The following VTCN1 variants were observed in gnomAD, a reference collection of about 807,000 sequenced individuals.
The protein encoded by VTCN1 is V-set domain-containing T-cell activation inhibitor 1.
VTCN1 carries 26 observed loss-of-function variants against 26.5 expected under a neutral mutation model. That is an observed-to-expected ratio of 0.98 (90% CI 0.72 to 1.36). The LOEUF is 1.36. Among genes scored for constraint, VTCN1 ranks in the 40% most tolerant of loss-of-function variants. The probability of loss-of-function intolerance (pLI) is 0.00; values close to 1 mark genes in which losing one functional copy is unlikely to be tolerated. For synonymous variants in VTCN1, 116 were observed against 130.7 expected (o/e 0.89, Z 0.77); for missense variants, 298 against 337.7 (o/e 0.88, Z 0.92).
chr1:117,203,833 C>G (rs1179307127), intron 1 of VTCN1: 1 of 961,020 alleles, frequency 1.0e-6, no homozygotes, highest in Non-Finnish European at 1.2e-6. Context: ...CCACAGATTA[C>G]CAGGCCCTGC....
chr1:117,176,991 C>T (rs1361527380), intron 1 of VTCN1, among the ~76,000 whole-genome samples: 2 of 151,900 alleles, frequency 1.3e-5, no homozygotes, highest in East Asian at 1.9e-4. Flanking sequence ...CCCAGCTACT[C>T]GGGAGGCTGA....
chr1:117,177,808 A>T (rs1647437889), intron 1 of VTCN1, among the ~76,000 whole-genome samples: 1 of 152,024 alleles, frequency 6.6e-6, no homozygotes, highest in African/African-American at 2.4e-5. Context: ...TTGTATGCCA[A>T]CAATCATTTG....
At chr1:117,150,755 T>C (rs1651746066) in intron 4 of VTCN1, among the ~76,000 whole-genome samples, 1 of 152,198 alleles carries the variant, frequency 6.6e-6, no homozygotes, top group South Asian at 2.1e-4. Flanking sequence ...TCTATACTCA[T>C]TAAACAAAAA....
rs1553211056 is a variant in VTCN1 at position 117,178,588 on chromosome 1, G to GTC, written c.33-8418_33-8417insGA. Among the ~76,000 whole-genome samples the GTC allele has an allele frequency of 1.8e-3, 157 of 88,264 alleles. 1 individual carries two copies. Among genetic ancestry groups the GTC allele is most frequent in the African/African-American group, 7.4e-3 (152 of 20,508 alleles). 57.9% of individuals were successfully genotyped at this position (88,264 alleles called of 152,430 possible). ...TTCAGTGTTTTCTTTTCTTTCTTTCGTTTTTTTTTTTTTTTTTTTTTTAGA... is the reference window on the plus strand; with the variant it reads ...TTCAGTGTTTTCTTTTCTTTCTTTCGTCTTTTTTTTTTTTTTTTTTTTTTAGA... On this transcript the variant is annotated intron_variant, in intron 1 of 5. Coordinates refer to ENST00000369458, the MANE Select transcript of VTCN1 (RefSeq NM_024626.4).
rs985406462 is a variant in VTCN1 at position 117,167,599 on chromosome 1, T to G, written c.97+2508A>C. On this transcript the variant is annotated intron_variant, in intron 2 of 5. Coordinates refer to ENST00000369458, the MANE Select transcript of VTCN1 (RefSeq NM_024626.4). This position sits in a 1 kb window ranked among gnomAD's most constrained non-coding sequence, Gnocchi z 4.1. ...ATTGGTGAGGGTGTGGAGAGCTTGA[T>G]CTCTCATGCATTGCTGGTGAAGAGT... Among the ~76,000 whole-genome samples, 2 of 152,232 alleles carry G rather than the reference T, an allele frequency of 1.3e-5. No homozygotes were observed. Among genetic ancestry groups the G allele is most frequent in the African/African-American group, 4.8e-5 (2 of 41,462 alleles).
chr1:117,178,257 TTC>T (rs778714148), intron 1 of VTCN1, among the ~76,000 whole-genome samples: 3 of 148,194 alleles, frequency 2.0e-5, no homozygotes, highest in Non-Finnish European at 1.5e-5. Context: ...TTTCTTTTTT[TTC>T]TTTTTTTTTT....
intron 1 of VTCN1, among the ~76,000 whole-genome samples, chr1:117,202,524 G>A (rs1294585069): frequency 6.6e-6 from 1 of 152,194 alleles, no homozygotes; most frequent in Non-Finnish European, 1.5e-5. Flanking sequence ...GTGATTAGAG[G>A]CACTGACCGG....
chr1:117,188,199 G>A (rs527279815), intron 1 of VTCN1, among the ~76,000 whole-genome samples: 1 of 152,322 alleles, frequency 6.6e-6, no homozygotes, highest in South Asian at 2.1e-4. Flanking sequence ...AATTCAATAT[G>A]ATCTAGAACA....
intron 1 of VTCN1, among the ~76,000 whole-genome samples, chr1:117,174,101 C>A (rs548728782): frequency 3.7e-4 from 57 of 152,208 alleles, no homozygotes; most frequent in Non-Finnish European, 6.6e-4. Flanking sequence ...AAAAATATTT[C>A]ACTTCAGGGG....
Position 117,153,301 on chromosome 1 carries a change from G to A in VTCN1, c.514C>T (p.Arg172Ter), listed in dbSNP as rs748959440. The A allele has an allele frequency of 3.2e-5, 51 of 1,613,910 alleles. No homozygotes were observed. The Admixed American group carries it at 6.0e-4, about 19-fold the overall frequency. Residue 172 changes from arginine to a stop codon, truncating the protein, a stop_gained, in exon 4 of 6, where the codon CGA becomes TGA. Transcript: ENST00000369458. LOFTEE classifies it high-confidence loss of function. ...ACCACTGTGGGCTGGGGGAACCATC[G>A]GGGAGCCTCACACCGCAAGGTCTCT... ...SSETLRCEAP[R>*]WFPQPTVVWA...
intron 1 of VTCN1, among the ~76,000 whole-genome samples, chr1:117,191,659 G>A (rs769997478): frequency 3.0e-4 from 46 of 152,214 alleles, no homozygotes; most frequent in Non-Finnish European, 5.9e-4. Context: ...GCACATGCCT[G>A]TAATCCCAGC....
chr1:117,153,480 T>G, intron 3 of VTCN1, 111 bp from the exon 4 acceptor site: 7 of 1,146,764 alleles, frequency 6.1e-6, no homozygotes, highest in Non-Finnish European at 8.4e-6. Context: ...TTTTTTTTTT[T>G]ATCATTGAAG....
At chr1:117,153,775 G>C (rs936589540) in intron 3 of VTCN1, among the ~76,000 whole-genome samples, 4 of 152,158 alleles carry the variant, frequency 2.6e-5, no homozygotes, top group Non-Finnish European at 5.9e-5. Context: ...GATAAAGTTA[G>C]GGTGGGTAGG....
chr1:117,193,224 C>T (rs985879308), intron 1 of VTCN1, among the ~76,000 whole-genome samples: 1 of 151,950 alleles, frequency 6.6e-6, no homozygotes, highest in Non-Finnish European at 1.5e-5. Context: ...ACCAATTCCC[C>T]ACAGATACTT....
chr1:117,150,434 T>C lies in VTCN1; in HGVS notation c.725-2652A>G, dbSNP rs560109043. Among the ~76,000 whole-genome samples the C allele has an allele frequency of 3.9e-5, 6 of 152,334 alleles. No individual in the cohort carries two copies. The East Asian group carries it at 9.6e-4, about 24-fold the overall frequency. On this transcript the variant is annotated intron_variant, in intron 4 of 5. Coordinates refer to ENST00000369458, the MANE Select transcript of VTCN1 (RefSeq NM_024626.4). ...TGATCCTGAAGTCAACTGAACTTCC[T>C]GTCTTTGGTTCCACAACATTCTAGT... is the stretch of plus-strand genomic sequence containing the variant.
intron 2 of VTCN1, among the ~76,000 whole-genome samples, chr1:117,165,245 T>C (rs971716433): frequency 2.6e-5 from 4 of 152,238 alleles, no homozygotes; most frequent in African/African-American, 4.8e-5. Context: ...CATCTCATCA[T>C]AGTAATAACA....
chr1:117,205,625 T>C (rs1011842441), intron 1 of VTCN1, among the ~76,000 whole-genome samples: 6 of 152,186 alleles, frequency 3.9e-5, no homozygotes, highest in Admixed American at 2.6e-4. Context: ...TGACAGTCAC[T>C]GAGGAGGTGT....
chr1:117,162,409 T>C (rs1174837007), intron 2 of VTCN1, among the ~76,000 whole-genome samples: 1 of 152,210 alleles, frequency 6.6e-6, no homozygotes, highest in African/African-American at 2.4e-5. Flanking sequence ...TCTGGCCTCC[T>C]ATGACTCTCC....
Position 117,156,695 on chromosome 1 carries a change from C to T in VTCN1, c.324G>A (p.Val108=). 4 of 1,614,184 alleles carry T rather than the reference C, an allele frequency of 2.5e-6. No individual in the cohort carries two copies. The highest frequency in any genetic ancestry group is 3.4e-6 in the Non-Finnish European group (4 of 1,180,026). ...GCCGCAAAGAGGCATTGCCAACTATCACTTGATCAGCAAACACTGCTGTCC... is the reference window on the plus strand; with the variant it reads ...GCCGCAAAGAGGCATTGCCAACTATTACTTGATCAGCAAACACTGCTGTCC... ...RGRTAVFADQ[V]IVGNASLRLK... is the part of the protein sequence containing the mutation. Residue 108 remains valine, a synonymous_variant, in exon 3 of 6, where the codon GTG becomes GTA. Coordinates refer to ENST00000369458, the MANE Select transcript of VTCN1 (RefSeq NM_024626.4).
Sources: allele counts gnomAD v4.1 joint callset (sites outside exome capture counted in the v4.1 genomes callset), GRCh38; gene constraint gnomAD v4.1.1; non-coding constraint Gnocchi (gnomAD v3.1); transcripts MANE v1.5; gene names NCBI Gene and HGNC (gene_info 2026-07-23, HGNC 2026-07-21).